TSHZ2: variants seen among roughly 807,000 people sequenced by gnomAD.
The protein encoded by TSHZ2 is teashirt zinc finger homeobox 2.
Under a neutral mutation model 74.4 loss-of-function variants are expected in TSHZ2, and 21 were observed. That is an observed-to-expected ratio of 0.28 (90% CI 0.20 to 0.41). TSHZ2 has a LOEUF of 0.41. TSHZ2 is among the 10% of genes least tolerant of loss of function. The pLI is 1.00. For synonymous variants in TSHZ2, 540 were observed against 515.3 expected (o/e 1.05, Z -0.65); for missense variants, 1,244 against 1,293.5 (o/e 0.96, Z 0.59).
At chr20:53,039,422 T>C (rs1270582424) in intron 1 of TSHZ2, among the ~76,000 whole-genome samples, 1 of 152,232 alleles carries the variant, frequency 6.6e-6, no homozygotes. Flanking sequence ...TACAGGTAGA[T>C]CTTTATTAAA....
chr20:53,244,588 C>T (rs1990156682), intron 1 of TSHZ2, among the ~76,000 whole-genome samples: 1 of 152,142 alleles, frequency 6.6e-6, no homozygotes, highest in Admixed American at 6.5e-5. Context: ...CAAGACACGT[C>T]GCAATAATAA....
intron 1 of TSHZ2, among the ~76,000 whole-genome samples, chr20:53,106,897 C>T (rs1986392411): frequency 1.3e-5 from 2 of 151,446 alleles, no homozygotes; most frequent in African/African-American, 4.9e-5. Flanking sequence ...GGAGTTTCAC[C>T]TTATTGGCCG....
At chr20:53,059,951 G>T (rs1030762962) in intron 1 of TSHZ2, among the ~76,000 whole-genome samples, 1 of 151,910 alleles carries the variant, frequency 6.6e-6, no homozygotes, top group Non-Finnish European at 1.5e-5. Flanking sequence ...TTATGGTTTT[G>T]TCTATCAAGG....
At chr20:53,258,882 A>C (rs1251847263) in intron 2 of TSHZ2, among the ~76,000 whole-genome samples, 1 of 152,148 alleles carries the variant, frequency 6.6e-6, no homozygotes, top group African/African-American at 2.4e-5. Flanking sequence ...AGTGTTTGGG[A>C]CTCACTCAAA....
chr20:53,347,287 G>A (rs892133419), intron 2 of TSHZ2, among the ~76,000 whole-genome samples: 1 of 152,176 alleles, frequency 6.6e-6, no homozygotes, highest in African/African-American at 2.4e-5. Context: ...CCATTCCTGA[G>A]TTGTGGTGAC....
chr20:53,038,192 C>CAAAAAAAA lies in TSHZ2; in HGVS notation c.40+64893_40+64900dup, dbSNP rs869242676. Among the ~76,000 whole-genome samples, 14 of 53,942 alleles carry CAAAAAAAA rather than the reference C, an allele frequency of 2.6e-4. 1 individual carries two copies. Among genetic ancestry groups the CAAAAAAAA allele is most frequent in the Non-Finnish European group, 4.5e-4 (13 of 28,904 alleles). The allele number at this position is 53,942 out of a possible 152,430, so 35.4% of individuals were successfully genotyped here. A position where few individuals can be genotyped will look rare whatever the true frequency, so the allele number is the denominator to read the frequency against. ...GGGCGACAAGAGCGGGATTCCGTCT[C>CAAAAAAAA]AAAAAAAAAAAAAAAAAAAAAAAAA... On this transcript the variant is annotated intron_variant, in intron 1 of 2. Coordinates refer to ENST00000371497, the MANE Select transcript of TSHZ2 (RefSeq NM_173485.6).
At chr20:53,140,521 C>A (rs1987366430) in intron 1 of TSHZ2, among the ~76,000 whole-genome samples, 1 of 118,258 alleles carries the variant, frequency 8.5e-6, no homozygotes, top group South Asian at 2.7e-4. Context: ...GCCTGGGTGA[C>A]AGAGCAAGAC....
intron 2 of TSHZ2, among the ~76,000 whole-genome samples, chr20:53,479,869 A>G (rs1369870608): frequency 6.6e-6 from 1 of 152,150 alleles, no homozygotes; most frequent in African/African-American, 2.4e-5. Flanking sequence ...GGCCCCCACC[A>G]AAAGGAAGTA....
In TSHZ2 at chr20:53,253,506, C is replaced by A; in HGVS notation, c.48C>A (p.Ala16=). 6.2e-7 allele frequency: 1 copy of A among 1,606,442 alleles called. No individual in the cohort carries two copies. The highest frequency in any genetic ancestry group is 1.1e-5 in the South Asian group (1 of 90,086). ...CTTCTTCTTCTCTTGCAGGCTACGC[C>A]CAGGAGGAACAGCTGAAAGAAGAGG... The part of the protein sequence containing the change: ...QQAPKRAAGY[A]QEEQLKEEEE... Residue 16 remains alanine, a synonymous_variant, in exon 2 of 3, where the codon GCC becomes GCA. Coordinates refer to ENST00000371497, the MANE Select transcript of TSHZ2 (RefSeq NM_173485.6).
intron 2 of TSHZ2, among the ~76,000 whole-genome samples, chr20:53,422,578 C>G (rs999756010): frequency 2.0e-5 from 3 of 152,298 alleles, no homozygotes; most frequent in African/African-American, 7.2e-5. Flanking sequence ...ACATACAACA[C>G]CCCAACCTTA....
At chr20:53,417,654 T>A (rs1178341672) in intron 2 of TSHZ2, among the ~76,000 whole-genome samples, 1 of 152,166 alleles carries the variant, frequency 6.6e-6, no homozygotes, top group Non-Finnish European at 1.5e-5. Context: ...CCTCCCTTCA[T>A]AACCTATTCT....
intron 1 of TSHZ2, among the ~76,000 whole-genome samples, chr20:53,048,979 T>G (rs1984330595): frequency 6.6e-6 from 1 of 152,234 alleles, no homozygotes. Context: ...CATTCATTCT[T>G]TATTCTACCG....
chr20:53,243,696 C>T (rs1460541015), intron 1 of TSHZ2, among the ~76,000 whole-genome samples: 4 of 152,126 alleles, frequency 2.6e-5, no homozygotes, highest in Non-Finnish European at 5.9e-5. Flanking sequence ...CTTTCCACTT[C>T]GGGCTTCTGT....
chr20:53,188,696 CAT>C (rs1765033099), intron 1 of TSHZ2, among the ~76,000 whole-genome samples: 1 of 152,172 alleles, frequency 6.6e-6, no homozygotes, highest in African/African-American at 2.4e-5. Context: ...CTTACACACA[CAT>C]ATACATATGA....
chr20:53,116,919 G>A (rs922413880), intron 1 of TSHZ2, among the ~76,000 whole-genome samples: 7 of 152,162 alleles, frequency 4.6e-5, no homozygotes, highest in Admixed American at 2.6e-4. Flanking sequence ...CCAGAGGCTG[G>A]AAGTCTGAAA....
intron 1 of TSHZ2, among the ~76,000 whole-genome samples, chr20:53,202,899 A>C (rs1029369423): frequency 6.6e-6 from 1 of 152,066 alleles, no homozygotes; most frequent in African/African-American, 2.4e-5. Context: ...GTTTCAGGAG[A>C]GGGATCAGCC....
chr20:53,268,390 C>T (rs1208405084), intron 2 of TSHZ2, among the ~76,000 whole-genome samples: 2 of 152,114 alleles, frequency 1.3e-5, no homozygotes, highest in Non-Finnish European at 2.9e-5. Context: ...AGATGATCTA[C>T]AAATCCAGAC....
intron 1 of TSHZ2, among the ~76,000 whole-genome samples, chr20:53,038,038 G>T (rs1156484905): frequency 6.6e-6 from 1 of 151,612 alleles, no homozygotes; most frequent in East Asian, 1.9e-4. Context: ...TTAGTGTACC[G>T]CAGGATCACC....
chr20:53,246,934 A>G (rs1990220824), intron 1 of TSHZ2, among the ~76,000 whole-genome samples: 1 of 152,206 alleles, frequency 6.6e-6, no homozygotes, highest in Admixed American at 6.5e-5. Context: ...CAATTACCCG[A>G]ACCATCTTCA....
Sources: gnomAD v4.1 joint callset for allele counts (sites outside exome capture counted in the v4.1 genomes callset) on GRCh38, gnomAD v4.1.1 for gene constraint, MANE v1.5 for transcripts, NCBI Gene and HGNC (gene_info 2026-07-23, HGNC 2026-07-21) for gene names.